Variants in CYP2E1 observed in about 807,000 individuals in gnomAD.
The protein encoded by CYP2E1 is cytochrome P450 family 2 subfamily E member 1.
Under a neutral mutation model 42.9 loss-of-function variants are expected in CYP2E1, and 31 were observed. That is an observed-to-expected ratio of 0.72 (90% CI 0.54 to 0.98). The LOEUF (loss-of-function observed/expected upper bound fraction) is 0.98. CYP2E1 is among the 50% of genes least tolerant of loss of function. The pLI, the probability that CYP2E1 is intolerant of heterozygous loss-of-function variation, is 0.00. For missense variants in CYP2E1, 565 were observed against 633.2 expected, an observed-to-expected ratio of 0.89 and a Z score of 1.16; for synonymous variants, 244 against 248.9, an observed-to-expected ratio of 0.98 and a Z score of 0.19.
Position 133,537,065 on chromosome 10 carries a change from A to G in CYP2E1, c.970A>G (p.Lys324Glu), listed in dbSNP as rs773459833. The stretch of plus-strand genomic sequence containing the variant: ...TTGTCCCATTCATATCTTGGCAGAG[A>G]AGCTCCATGAAGAAATTGACAGGGT... ...ILMKYPEIEE[K>E]LHEEIDRVIG... The change falls in exon 7 of 9, where the codon AAG (lysine) becomes GAG (glutamate). Residue 324 changes from lysine to glutamate, a missense_variant and splice_region_variant. Lys to Glu is a moderately conservative substitution (Grantham distance 56, BLOSUM62 1). Transcript: ENST00000252945. The G allele has an allele frequency of 6.2e-7, 1 of 1,613,078 alleles. No homozygotes were observed. Among genetic ancestry groups the G allele is most frequent in the South Asian group, 1.1e-5 (1 of 90,958 alleles).
At position 133,533,844 on chromosome 10, in the gene CYP2E1, G is replaced by A. The variant is rs753706527; in HGVS notation, c.914G>A (p.Ser305Asn). The change falls in exon 6 of 9, where the codon AGC (serine) becomes AAC (asparagine). Residue 305 changes from serine (S) to asparagine (N), a missense_variant. Transcript: ENST00000252945. ...DLFFAGTETTSTTLRYGLLIL... is the reference protein window; with the variant it reads ...DLFFAGTETTNTTLRYGLLIL... ...TTCTTTGCGGGGACAGAGACCACCAGCACAACTCTGAGATATGGGCTCCTG... is the reference window on the plus strand; with the variant it reads ...TTCTTTGCGGGGACAGAGACCACCAACACAACTCTGAGATATGGGCTCCTG... 1 of 1,614,186 alleles carries A rather than the reference G, an allele frequency of 6.2e-7. No individual in the cohort carries two copies. The highest frequency in any genetic ancestry group is 1.1e-5 in the South Asian group (1 of 91,082).
chr10:133,528,246 C>A (rs1003567474), intron 1 of CYP2E1: 2 of 473,766 alleles, frequency 4.2e-6, no homozygotes, highest in African/African-American at 3.9e-5. Flanking sequence ...GAGTTGTCCG[C>A]GGAGTCCAGG....
At chr10:133,534,660 G>A (rs1851376684) in intron 6 of CYP2E1, among the ~76,000 whole-genome samples, 1 of 152,202 alleles carries the variant, frequency 6.6e-6, no homozygotes, top group Admixed American at 6.5e-5. Context: ...CTCTGCCCGA[G>A]GCAGTTCACA....
At chr10:133,535,109 G>A (rs1349826883) in intron 6 of CYP2E1, among the ~76,000 whole-genome samples, 2 of 152,020 alleles carry the variant, frequency 1.3e-5, no homozygotes, top group South Asian at 2.1e-4. Flanking sequence ...GGCTGAGGCA[G>A]GCGATCACGA....
intron 6 of CYP2E1, among the ~76,000 whole-genome samples, chr10:133,535,931 G>T (rs1004620526): frequency 1.3e-5 from 2 of 152,138 alleles, no homozygotes; most frequent in African/African-American, 4.8e-5. Flanking sequence ...TTGCAGCTTG[G>T]TTTTTTCACT....
chr10:133,529,739 G>T (rs914722610), intron 2 of CYP2E1, among the ~76,000 whole-genome samples: 1 of 152,236 alleles, frequency 6.6e-6, no homozygotes, highest in Admixed American at 6.5e-5. Flanking sequence ...GCGGGCGGGG[G>T]TCGCCGGCTC....
chr10:133,538,147 T>C (rs1851428352), intron 8 of CYP2E1, among the ~76,000 whole-genome samples: 1 of 152,186 alleles, frequency 6.6e-6, no homozygotes, highest in Non-Finnish European at 1.5e-5. Context: ...CTAGACATTT[T>C]ACATCATTCA....
At position 133,532,246 on chromosome 10, in the gene CYP2E1, A is replaced by C; in HGVS notation, c.610A>C (p.Asn204His). 2 of 1,613,886 alleles carry C rather than the reference A, an allele frequency of 1.2e-6. No individual in the cohort carries two copies. Among genetic ancestry groups the C allele is most frequent in the Non-Finnish European group, 1.7e-6 (2 of 1,179,892 alleles). The part of the protein sequence containing the change: ...EKFLRLMYLF[N>H]ENFHLLSTPW... ...GTTTCTAAGGCTGATGTATTTGTTTAATGAGAACTTCCACCTACTCAGCAC... is the reference window on the plus strand; with the variant it reads ...GTTTCTAAGGCTGATGTATTTGTTTCATGAGAACTTCCACCTACTCAGCAC... The change falls in exon 4 of 9, where the codon AAT (asparagine) becomes CAT (histidine). Residue 204 changes from asparagine to histidine, a missense_variant. Transcript: ENST00000252945.
intron 1 of CYP2E1, chr10:133,528,142 C>G: frequency 3.7e-6 from 1 of 273,756 alleles, no homozygotes; most frequent in Non-Finnish European, 7.0e-6. Flanking sequence ...AGAACCGGGT[C>G]CAGAACCTTG....
At chr10:133,536,120 G>A (rs1179799595) in intron 6 of CYP2E1, among the ~76,000 whole-genome samples, 1 of 152,108 alleles carries the variant, frequency 6.6e-6, no homozygotes, top group Non-Finnish European at 1.5e-5. Context: ...AAACAAGCCT[G>A]GGGTAATTAT....
chr10:133,527,817 G>C (rs1386929212), intron 1 of CYP2E1, among the ~76,000 whole-genome samples: 1 of 152,200 alleles, frequency 6.6e-6, no homozygotes, highest in African/African-American at 2.4e-5. Flanking sequence ...ATGATGGGGA[G>C]GCCGGCGAGG....
At chr10:133,532,637 A>G (rs1184099979) in intron 4 of CYP2E1, 55 bp from the exon 5 acceptor site, 8 of 1,439,342 alleles carry the variant, frequency 5.6e-6, no homozygotes, top group Non-Finnish European at 6.6e-6. Flanking sequence ...GGTCCAACAC[A>G]CACAATTATG....
intron 8 of CYP2E1, among the ~76,000 whole-genome samples, chr10:133,538,359 C>T (rs1388655758): frequency 3.3e-5 from 5 of 152,126 alleles, no homozygotes; most frequent in African/African-American, 1.2e-4. Context: ...TTCCCAGGGC[C>T]TCATCTTAGG....
At chr10:133,532,643 T>G in intron 4 of CYP2E1, 49 bp from the exon 5 acceptor site, 2 of 1,468,392 alleles carry the variant, frequency 1.4e-6, no homozygotes, top group South Asian at 1.3e-5. Context: ...ACACACACAA[T>G]TATGTTGCAT....
intron 6 of CYP2E1, among the ~76,000 whole-genome samples, 176 bp from the exon 7 acceptor site, chr10:133,536,886 TG>T (rs1237211260): frequency 2.2e-4 from 31 of 143,074 alleles, no homozygotes; most frequent in African/African-American, 7.7e-4. Flanking sequence ...GATGGATGCA[TG>T]GGTGGATGGA....
chr10:133,529,400 T>G lies in CYP2E1; in HGVS notation c.337+760T>G, dbSNP rs150241020. On this transcript the variant is annotated intron_variant, in intron 2 of 8. Coordinates refer to ENST00000252945, the MANE Select transcript of CYP2E1 (RefSeq NM_000773.4). ...CTGCCTGCAGACCTGGCCTGCTGCT[T>G]CTTTCTCCTTCCTCCCTCCCTGCCT... Among the ~76,000 whole-genome samples, 29 of 152,322 alleles carry G rather than the reference T, an allele frequency of 1.9e-4. No homozygotes were observed. In the East Asian group the frequency reaches 4.4e-3, roughly 23 times the overall value.
chr10:133,532,407 T>C (rs569909432), intron 4 of CYP2E1, 123 bp downstream of exon 4: 2 of 986,496 alleles, frequency 2.0e-6, no homozygotes, highest in South Asian at 3.3e-5. Flanking sequence ...CTTCGAGGGG[T>C]GTTTGATTAG....
At position 133,527,417 on chromosome 10, in the gene CYP2E1, G is replaced by A. The variant is rs1338671524; in HGVS notation, c.22G>A (p.Val8Met). 2.5e-6 allele frequency: 4 copies of A among 1,611,954 alleles called. No individual in the cohort carries two copies. The highest frequency in any genetic ancestry group is 1.7e-5 in the Admixed American group (1 of 59,986). Residue 8 changes from valine (V) to methionine (M), a missense_variant, in exon 1 of 9, where the codon GTG becomes ATG. By Grantham distance (21) the Val-to-Met change is conservative. Coordinates refer to ENST00000252945, the MANE Select transcript of CYP2E1 (RefSeq NM_000773.4). The stretch of plus-strand genomic sequence containing the variant: ...CACCATGTCTGCCCTCGGAGTCACC[G>A]TGGCCCTGCTGGTGTGGGCGGCCTT... MSALGVT[V>M]ALLVWAAFLL...
chr10:133,530,838 C>G (rs982148309), intron 2 of CYP2E1, among the ~76,000 whole-genome samples: 3 of 152,100 alleles, frequency 2.0e-5, no homozygotes, highest in African/African-American at 7.2e-5. Context: ...AGGTTCCTAT[C>G]TGGGAGAAAA....
Sources: allele counts gnomAD v4.1 joint callset (sites outside exome capture counted in the v4.1 genomes callset), GRCh38; gene constraint gnomAD v4.1.1; transcripts MANE v1.5; gene names NCBI Gene and HGNC (gene_info 2026-07-23, HGNC 2026-07-21).